BACE2: variants seen among roughly 807,000 people sequenced by gnomAD.
BACE2 encodes the protein 56 kDa aspartic-like protease.
BACE2 carries 17 observed loss-of-function variants against 46.2 expected under a neutral mutation model. That is an observed-to-expected ratio of 0.37 (90% CI 0.25 to 0.55). BACE2 has a LOEUF of 0.55. Among genes scored for constraint, BACE2 ranks in the 20% least tolerant of loss-of-function variants. The probability of loss-of-function intolerance (pLI) is 0.82; values close to 1 mark genes in which losing one functional copy is unlikely to be tolerated. For synonymous variants in BACE2, 277 were observed against 295.9 expected, an observed-to-expected ratio of 0.94 and a Z score of 0.66; for missense variants, 595 against 698.1, an observed-to-expected ratio of 0.85 and a Z score of 1.66.
At chr21:41,269,975 C>G (rs2123649085) in intron 8 of BACE2, among the ~76,000 whole-genome samples, 1 of 152,272 alleles carries the variant, frequency 6.6e-6, no homozygotes, top group East Asian at 1.9e-4. Context: ...TATGAAAGTT[C>G]CAGTTGTTAA....
rs539203088 is a variant in BACE2, at chr21:41,229,886, C to T, written c.401+3532C>T. On this transcript the variant is annotated intron_variant, in intron 2 of 8. Transcript: ENST00000330333. ...TAAGCCTTCCCTCCTGCTAATCTCACAAGATAATTCAGGATTTCTTGCCAC... is the reference window on the plus strand; with the variant it reads ...TAAGCCTTCCCTCCTGCTAATCTCATAAGATAATTCAGGATTTCTTGCCAC... Among the ~76,000 whole-genome samples the T allele has an allele frequency of 3.3e-5, 5 of 152,352 alleles. No homozygotes were observed. The South Asian group carries it at 1.0e-3, about 32-fold the overall frequency.
At chr21:41,235,497 A>G (rs1263606346) in intron 2 of BACE2, among the ~76,000 whole-genome samples, 1 of 152,188 alleles carries the variant, frequency 6.6e-6, no homozygotes, top group Non-Finnish European at 1.5e-5. Flanking sequence ...ACTGAATTAA[A>G]GATAGTTAAC....
chr21:41,213,762 A>G (rs914101690), intron 1 of BACE2, among the ~76,000 whole-genome samples: 3 of 151,808 alleles, frequency 2.0e-5, no homozygotes, highest in African/African-American at 7.3e-5. Flanking sequence ...TGACAGAGCG[A>G]TACTCCGTCT....
At chr21:41,179,756 G>C (rs1434046660) in intron 1 of BACE2, 2 of 877,098 alleles carry the variant, frequency 2.3e-6, no homozygotes, top group Non-Finnish European at 3.3e-6. Context: ...TGCCTGGTGT[G>C]GGGTGGGGTG....
intron 1 of BACE2, among the ~76,000 whole-genome samples, chr21:41,195,974 T>C (rs896619436): frequency 6.6e-6 from 1 of 152,116 alleles, no homozygotes; most frequent in South Asian, 2.1e-4. Flanking sequence ...TTACATACAT[T>C]TATCCTTTGA....
chr21:41,275,912 A>T lies in BACE2; in HGVS notation c.*288A>T. ...TGGGGTTCGTTATGCCAAAGTGTCT[A>T]CATGTGCCACCAACATAAAACAAAA... On this transcript the variant is annotated 3_prime_UTR_variant, in exon 9 of 9. Coordinates refer to ENST00000330333, the MANE Select transcript of BACE2 (RefSeq NM_012105.5). The T allele has an allele frequency of 2.5e-6, 1 of 393,388 alleles. No individual in the cohort carries two copies. Among genetic ancestry groups the T allele is most frequent in the South Asian group, 3.9e-5 (1 of 25,590 alleles). The allele number at this position is 393,388 out of a possible 1,614,324, so 24.4% of individuals were successfully genotyped here. A position where few individuals can be genotyped will look rare whatever the true frequency, so the allele number is the denominator to read the frequency against.
rs2088474412 is a variant in BACE2 at position 41,275,389 on chromosome 21, T to C, written c.1322T>C (p.Val441Ala). The C allele has an allele frequency of 1.9e-6, 3 of 1,614,160 alleles. No homozygotes were observed. Among genetic ancestry groups the C allele is most frequent in the Non-Finnish European group, 2.5e-6 (3 of 1,180,032 alleles). ...SPCAEIAGAA[V>A]SEISGPFSTE... ...TCCCCAGAAATTGCAGGTGCTGCAG[T>C]GTCTGAAATTTCCGGGCCTTTCTCA... is the stretch of plus-strand genomic sequence containing the variant. Residue 441 changes from valine (V) to alanine (A), a missense_variant, in exon 9 of 9, where the codon GTG (valine) becomes GCG (alanine). Transcript: ENST00000330333.
At chr21:41,259,022 A>G (rs1987861668) in intron 8 of BACE2, among the ~76,000 whole-genome samples, 1 of 152,224 alleles carries the variant, frequency 6.6e-6, no homozygotes, top group African/African-American at 2.4e-5. Flanking sequence ...AATTTTGTCC[A>G]CAATTTCTGT....
chr21:41,251,244 A>G (rs150502171), intron 7 of BACE2, among the ~76,000 whole-genome samples: 1 of 152,314 alleles, frequency 6.6e-6, no homozygotes, highest in Non-Finnish European at 1.5e-5. Flanking sequence ...ATGTGGTAAC[A>G]GGGACCTGGG....
intron 2 of BACE2, among the ~76,000 whole-genome samples, chr21:41,232,712 G>A (rs533710395): frequency 6.6e-6 from 1 of 152,218 alleles, no homozygotes; most frequent in South Asian, 2.1e-4. Context: ...CACCTTGAGT[G>A]GAAGCTTCCT....
intron 8 of BACE2, among the ~76,000 whole-genome samples, chr21:41,271,699 T>C (rs2088436702): frequency 6.6e-6 from 1 of 152,188 alleles, no homozygotes; most frequent in African/African-American, 2.4e-5. Context: ...GTAAATTTTT[T>C]AACTGACCAC....
chr21:41,231,614 T>A (rs1481664373), intron 2 of BACE2, among the ~76,000 whole-genome samples: 2 of 152,208 alleles, frequency 1.3e-5, no homozygotes, highest in Non-Finnish European at 2.9e-5. Flanking sequence ...TTGATTTCAC[T>A]TTTTAATCCT....
At chr21:41,175,220 C>T (rs1227015892) in intron 1 of BACE2, 1 of 152,174 alleles carries the variant, frequency 6.6e-6, no homozygotes, top group Non-Finnish European at 1.5e-5. Flanking sequence ...CTGTCCAGCC[C>T]AGGCCCCGGG....
At chr21:41,253,300 G>C (rs1987690407) in intron 7 of BACE2, among the ~76,000 whole-genome samples, 1 of 151,932 alleles carries the variant, frequency 6.6e-6, no homozygotes, top group African/African-American at 2.4e-5. Context: ...ATATTAGCTG[G>C]GCTTGGTGGC....
chr21:41,251,985 C>T (rs915487437), intron 7 of BACE2, among the ~76,000 whole-genome samples: 2 of 152,100 alleles, frequency 1.3e-5, no homozygotes, highest in African/African-American at 4.8e-5. Flanking sequence ...CTTCCTCCTC[C>T]CCTCCGTTAC....
At chr21:41,212,729 G>A (rs145646206) in intron 1 of BACE2, among the ~76,000 whole-genome samples, 94 of 152,170 alleles carry the variant, frequency 6.2e-4, no homozygotes, top group African/African-American at 1.7e-3. Flanking sequence ...TCCCTGGTAC[G>A]TCAGACCTGA....
At chr21:41,192,377 C>T (rs542919571) in intron 1 of BACE2, among the ~76,000 whole-genome samples, 14 of 152,310 alleles carry the variant, frequency 9.2e-5, no homozygotes, top group Admixed American at 3.9e-4. Context: ...AGCCCAATCA[C>T]GTATATACCA....
At chr21:41,245,222 C>G (rs751952092) in intron 5 of BACE2, among the ~76,000 whole-genome samples, 18 of 152,204 alleles carry the variant, frequency 1.2e-4, no homozygotes, top group Admixed American at 2.6e-4. Context: ...TCCCTTATTT[C>G]CTTTTGACCC....
At chr21:41,185,521 G>A (rs1985339072) in intron 1 of BACE2, among the ~76,000 whole-genome samples, 1 of 152,210 alleles carries the variant, frequency 6.6e-6, no homozygotes, top group Admixed American at 6.5e-5. Flanking sequence ...TTATAAGACA[G>A]TACACAGGAA....
Sources: gnomAD v4.1 joint callset for allele counts (sites outside exome capture counted in the v4.1 genomes callset) on GRCh38, gnomAD v4.1.1 for gene constraint, MANE v1.5 for transcripts, NCBI Gene and HGNC (gene_info 2026-07-23, HGNC 2026-07-21) for gene names.